The following CDH22 variants were observed in gnomAD, a reference collection of about 807,000 sequenced individuals.
CDH22 encodes the protein cadherin 22, also known as cadherin-22.
A neutral mutation model predicts 58.4 loss-of-function variants in CDH22; 30 were observed. That is an observed-to-expected ratio of 0.51 (90% CI 0.38 to 0.70). The LOEUF is 0.70. Among genes scored for constraint, CDH22 ranks in the 30% least tolerant of loss-of-function variants. CDH22 has a pLI of 0.00. For synonymous variants in CDH22, 513 were observed against 558.2 expected (o/e 0.92, Z 1.14); for missense variants, 1,014 against 1,233.9 (o/e 0.82, Z 2.67).
chr20:46,297,258 G>A (rs569034203), intron 1 of CDH22, among the ~76,000 whole-genome samples: 1 of 152,118 alleles, frequency 6.6e-6, no homozygotes, highest in Non-Finnish European at 1.5e-5. Flanking sequence ...GCTCCTTGAG[G>A]GAATGCAGGC....
chr20:46,280,037 TACGTGTC>T (rs1242675960), intron 1 of CDH22, among the ~76,000 whole-genome samples: 1 of 152,188 alleles, frequency 6.6e-6, no homozygotes, highest in East Asian at 1.9e-4. Context: ...CCAGGTCACA[TACGTGTC>T]ATGGGGACGA....
At chr20:46,197,148 G>A (rs2085910210) in intron 8 of CDH22, among the ~76,000 whole-genome samples, 1 of 152,094 alleles carries the variant, frequency 6.6e-6, no homozygotes, top group Admixed American at 6.5e-5. Context: ...AGCATGCCTG[G>A]TCCAAATCCC....
intron 2 of CDH22, among the ~76,000 whole-genome samples, chr20:46,245,907 A>C (rs2086325071): frequency 6.6e-6 from 1 of 152,132 alleles, no homozygotes; most frequent in Admixed American, 6.5e-5. Context: ...CCCCACCTAA[A>C]GTCACACAGG....
Position 46,227,545 on chromosome 20 carries a change from C to T in CDH22, c.633G>A (p.Leu211=), listed in dbSNP as rs1245732191. 1 of 1,611,626 alleles carries T rather than the reference C, an allele frequency of 6.2e-7. No homozygotes were observed. Among genetic ancestry groups the T allele is most frequent in the Non-Finnish European group, 8.5e-7 (1 of 1,179,478 alleles). ...GSSARLVYSV[L]DGEHHFTVDP... is the part of the protein sequence containing the mutation. ...CCACGGTGAAGTGGTGCTCGCCGTC[C>T]AGCACGCTGTACACCAGCCGAGCGC... The change falls in exon 4 of 12, where the codon CTG becomes CTA. Residue 211 remains leucine (L), a synonymous_variant. Transcript: ENST00000537909.
intron 8 of CDH22, among the ~76,000 whole-genome samples, chr20:46,187,341 A>G (rs1259445138): frequency 6.6e-6 from 1 of 151,988 alleles, no homozygotes; most frequent in Non-Finnish European, 1.5e-5. Flanking sequence ...CATTACCAAT[A>G]CCACTATTTG....
chr20:46,240,906 G>T, intron 3 of CDH22, 57 bp downstream of exon 3: 1 of 1,472,762 alleles, frequency 6.8e-7, no homozygotes. Context: ...CTTCCCAGCA[G>T]GCTCCACTTG....
At chr20:46,190,553 G>A (rs2085856245) in intron 8 of CDH22, among the ~76,000 whole-genome samples, 1 of 152,216 alleles carries the variant, frequency 6.6e-6, no homozygotes, top group South Asian at 2.1e-4. Context: ...TTTCAGTTCA[G>A]CTGACTGACA....
At chr20:46,232,966 C>T (rs1247084010) in intron 3 of CDH22, among the ~76,000 whole-genome samples, 5 of 152,054 alleles carry the variant, frequency 3.3e-5, no homozygotes, top group Admixed American at 2.0e-4. Context: ...GTCAAGAAAG[C>T]GGGTAAGAGA....
chr20:46,232,710 G>T (rs1300683978), intron 3 of CDH22, among the ~76,000 whole-genome samples: 1 of 152,106 alleles, frequency 6.6e-6, no homozygotes, highest in African/African-American at 2.4e-5. Flanking sequence ...CGAGTCTCTG[G>T]GAACGCTCAG....
At chr20:46,275,178 G>A (rs1214603674) in intron 1 of CDH22, among the ~76,000 whole-genome samples, 6 of 152,054 alleles carry the variant, frequency 3.9e-5, no homozygotes, top group African/African-American at 1.4e-4. Flanking sequence ...TACATGATCC[G>A]CCCCTGTGGC....
At chr20:46,288,135 G>A (rs1337210778) in intron 1 of CDH22, among the ~76,000 whole-genome samples, 1 of 152,178 alleles carries the variant, frequency 6.6e-6, no homozygotes, top group African/African-American at 2.4e-5. Context: ...GTGGAGGCCT[G>A]TGAGCCCTTG....
At chr20:46,201,622 T>C (rs1056516826) in intron 7 of CDH22, among the ~76,000 whole-genome samples, 2 of 152,262 alleles carry the variant, frequency 1.3e-5, no homozygotes, top group East Asian at 3.9e-4. Context: ...TACAGGACAG[T>C]CCTTATGCTT....
At chr20:46,175,183 A>G (rs1235898362) in intron 11 of CDH22, 106 bp from the exon 12 acceptor site, 2 of 1,063,788 alleles carry the variant, frequency 1.9e-6, no homozygotes, top group Non-Finnish European at 2.6e-6. Flanking sequence ...GAGCGGGCCC[A>G]GCCTCAACAT....
intron 1 of CDH22, among the ~76,000 whole-genome samples, chr20:46,263,754 G>T (rs2086445496): frequency 6.6e-6 from 1 of 152,178 alleles, no homozygotes; most frequent in African/African-American, 2.4e-5. Flanking sequence ...GGAAACAGCT[G>T]AGGACGGGCC....
intron 1 of CDH22, among the ~76,000 whole-genome samples, chr20:46,304,883 C>G (rs115318483): frequency 0.012 from 1,891 of 152,226 alleles, 34 homozygotes; most frequent in African/African-American, 0.041. Context: ...GTATATGAAG[C>G]CTTTTTGCAA....
chr20:46,185,440 C>A (rs2145653292), intron 10 of CDH22, among the ~76,000 whole-genome samples: 1 of 152,202 alleles, frequency 6.6e-6, no homozygotes, highest in African/African-American at 2.4e-5. Context: ...TGGGTTGAAT[C>A]CTACCCACAC....
In CDH22 at chr20:46,241,112, G is replaced by A. The variant is rs755792221; in HGVS notation, c.401C>T (p.Thr134Met). ...RLDREQKTFYTLRAQARDRAT... is the reference protein window; with the variant it reads ...RLDREQKTFYMLRAQARDRAT... ...GCGATCCCGAGCCTGGGCCCGCAGC[G>A]TGTAGAAGGTTTTCTGCTCGCGGTC... The change falls in exon 3 of 12, where the codon ACG becomes ATG. Residue 134 changes from threonine to methionine, a missense_variant. Physicochemically the swap from Thr to Met is moderately conservative, Grantham distance 81. Transcript: ENST00000537909. The surrounding 1 kb of genome is among the most constrained non-coding windows in gnomAD (Gnocchi z 5.2). 2.1e-5 allele frequency: 34 copies of A among 1,614,062 alleles called. No homozygotes were observed. The highest frequency in any genetic ancestry group is 2.5e-5 in the Non-Finnish European group (30 of 1,180,032).
At chr20:46,246,747 G>T (rs1685846065) in intron 2 of CDH22, among the ~76,000 whole-genome samples, 1 of 152,142 alleles carries the variant, frequency 6.6e-6, no homozygotes, top group Non-Finnish European at 1.5e-5. Flanking sequence ...GGGCGCCCGG[G>T]GTTCACTCTG....
rs1184847012 is a variant in CDH22 at position 46,198,332 on chromosome 20, AT to A, written c.1423+1090del. ...CACACACACACACACACACACACAC[AT>A]ATTCTTCCAGAAACTCAGGCCAAAC... On this transcript the variant is annotated intron_variant, in intron 8 of 11. Coordinates refer to ENST00000537909, the MANE Select transcript of CDH22 (RefSeq NM_021248.3). Among the ~76,000 whole-genome samples, 4 of 135,152 alleles carry A rather than the reference AT, an allele frequency of 3.0e-5. No homozygotes were observed. In the South Asian group the frequency reaches 8.8e-4, roughly 30 times the overall value. 88.7% of individuals were successfully genotyped at this position (135,152 alleles called of 152,430 possible).
Sources: allele counts gnomAD v4.1 joint callset (sites outside exome capture counted in the v4.1 genomes callset), GRCh38; gene constraint gnomAD v4.1.1; non-coding constraint Gnocchi (gnomAD v3.1); transcripts MANE v1.5; gene names NCBI Gene and HGNC (gene_info 2026-07-23, HGNC 2026-07-21).